The following CNKSR2 variants were observed in gnomAD, a reference collection of about 807,000 sequenced individuals.
The protein encoded by CNKSR2 is connector enhancer of kinase suppressor of Ras 2, also known as CNK homolog protein 2.
CNKSR2 carries 14 observed loss-of-function variants against 84.4 expected under a neutral mutation model. The ratio of observed to expected loss-of-function variants is 0.17; its 90% CI spans 0.11 to 0.26. The LOEUF (loss-of-function observed/expected upper bound fraction) is 0.26. CNKSR2 is among the 10% of genes least tolerant of loss of function. The probability of loss-of-function intolerance (pLI) is 1.00; values close to 1 mark genes in which losing one functional copy is unlikely to be tolerated. For missense variants in CNKSR2, 485 were observed against 771.2 expected (o/e 0.63, Z 4.40); for synonymous variants, 275 against 277.9 (o/e 0.99, Z 0.10).
At chrX:21,536,686 C>A (rs1270874864) in intron 11 of CNKSR2, among the ~76,000 whole-genome samples, 1 of 110,460 alleles carries the variant, frequency 9.1e-6, no homozygotes, top group Non-Finnish European at 1.9e-5. Flanking sequence ...CTCTTATATT[C>A]CTTTGTATTA....
chrX:21,395,043 A>T (rs1342310726), intron 1 of CNKSR2, among the ~76,000 whole-genome samples: 1 of 111,900 alleles, frequency 8.9e-6, no homozygotes, highest in African/African-American at 3.2e-5. Flanking sequence ...TTAAGACTGC[A>T]AATTAGTTCC....
intron 1 of CNKSR2, among the ~76,000 whole-genome samples, chrX:21,400,268 G>A (rs2090172535): frequency 9.2e-6 from 1 of 109,229 alleles, no homozygotes; most frequent in Non-Finnish European, 1.9e-5. Context: ...GAAATAAAGA[G>A]CCCAAGAATG....
At chrX:21,550,827 G>T (rs2092082153) in intron 11 of CNKSR2, among the ~76,000 whole-genome samples, 1 of 110,645 alleles carries the variant, frequency 9.0e-6, no homozygotes, top group Non-Finnish European at 1.9e-5. Flanking sequence ...CTTGAGCTCA[G>T]GAGTTGGAGA....
chrX:21,451,080 CAT>C (rs910537369), intron 4 of CNKSR2, among the ~76,000 whole-genome samples: 2 of 111,439 alleles, frequency 1.8e-5, no homozygotes, highest in Non-Finnish European at 3.8e-5. Context: ...TTTTTATACT[CAT>C]ATGTAAAATC....
At chrX:21,646,259 A>G (rs972742800) in intron 20 of CNKSR2, among the ~76,000 whole-genome samples, 1 of 111,689 alleles carries the variant, frequency 9.0e-6, no homozygotes, top group Non-Finnish European at 1.9e-5. Flanking sequence ...CTGCCCAGAG[A>G]TAAATCCATA....
At chrX:21,616,778 T>G (rs2147295732) in intron 20 of CNKSR2, among the ~76,000 whole-genome samples, 1 of 112,274 alleles carries the variant, frequency 8.9e-6, no homozygotes, top group Non-Finnish European at 1.9e-5. Context: ...CAAAATCCAC[T>G]GCCTGTAGAA....
chrX:21,528,599 C>A, intron 10 of CNKSR2, among the ~76,000 whole-genome samples: 1 of 110,183 alleles, frequency 9.1e-6, no homozygotes, highest in Non-Finnish European at 1.9e-5. Flanking sequence ...ATATTGAAGC[C>A]AATAAAAAGC....
chrX:21,488,634 A>G (rs1031245946), intron 5 of CNKSR2, among the ~76,000 whole-genome samples: 1 of 111,807 alleles, frequency 8.9e-6, no homozygotes, highest in African/African-American at 3.3e-5. Context: ...TCTTTAGTGT[A>G]AAGAATCTGA....
In CNKSR2 at chrX:21,468,925, A is replaced by G. The variant is rs779883443; in HGVS notation, c.520-1841A>G. On this transcript the variant is annotated intron_variant, in intron 4 of 21. Coordinates refer to ENST00000379510, the MANE Select transcript of CNKSR2 (RefSeq NM_014927.5). ...CACACACAGCAGATTCTGCATGACA[A>G]TAATAATCACAACACTACCATCTAA... is the stretch of plus-strand genomic sequence containing the variant. Among the ~76,000 whole-genome samples, 63 of 112,128 alleles carry G rather than the reference A, an allele frequency of 5.6e-4. 1 individual carries two copies. Among genetic ancestry groups the G allele is most frequent in the African/African-American group, 1.9e-3 (58 of 30,911 alleles).
chrX:21,492,794 A>T, intron 6 of CNKSR2: 1 of 112,232 alleles, frequency 8.9e-6, no homozygotes, highest in Middle Eastern at 4.6e-3. Flanking sequence ...CAGAGAATTT[A>T]CATGGCTTAT....
At position 21,426,619 on chromosome X, in the gene CNKSR2, C is replaced by A. The variant is rs749730618; in HGVS notation, c.187C>A (p.Gln63Lys). ...TCTGGGGGTCAGCCGCATTGGCCAT[C>A]AGGAACTGATCTTGGAAGCAGTTGA... ...EDLGVSRIGH[Q>K]ELILEAVDLL... The change falls in exon 2 of 22, where the codon CAG becomes AAG. Residue 63 changes from glutamine (Q) to lysine (K), a missense_variant. Around this residue, in one of 5 missense-constraint regions of CNKSR2, gnomAD observed 109 missense variants for 197.5 expected, o/e 0.55. Transcript: ENST00000379510. 2 of 1,205,231 alleles carry A rather than the reference C, an allele frequency of 1.7e-6. No individual in the cohort carries two copies. Among genetic ancestry groups the A allele is most frequent in the African/African-American group, 1.8e-5 (1 of 56,718 alleles).
At chrX:21,417,885 A>C (rs768856464) in intron 1 of CNKSR2, among the ~76,000 whole-genome samples, 58 of 110,552 alleles carry the variant, frequency 5.2e-4, no homozygotes, top group Admixed American at 3.9e-3. Context: ...TTTATTGGAG[A>C]GTTTAGTCCA....
In CNKSR2 at chrX:21,501,532, C is replaced by T; in HGVS notation, c.754C>T (p.Arg252Trp). The change falls in exon 8 of 22, where the codon CGG becomes TGG. Residue 252 changes from arginine (R) to tryptophan (W), a missense_variant. Around this residue, in one of 5 missense-constraint regions of CNKSR2, gnomAD observed 109 missense variants for 197.5 expected, o/e 0.55. Coordinates refer to ENST00000379510, the MANE Select transcript of CNKSR2 (RefSeq NM_014927.5). ...TGTTENSPAD[R>W]CKKIHAGDEV... is the part of the protein sequence containing the mutation. ...ATATTAAATTCAGTCACCTGCAGAT[C>T]GGTGCAAGAAAATCCATGCTGGCGA... 1 of 1,148,421 alleles carries T rather than the reference C, an allele frequency of 8.7e-7. No homozygotes were observed. Among genetic ancestry groups the T allele is most frequent in the Non-Finnish European group, 1.2e-6 (1 of 850,673 alleles). The allele number at this position is 1,148,421 out of a possible 1,213,427, so 94.6% of individuals were successfully genotyped here. A position where few individuals can be genotyped will look rare whatever the true frequency, so the allele number is the denominator to read the frequency against.
chrX:21,506,583 A>C (rs1256831633), intron 8 of CNKSR2: 1 of 111,687 alleles, frequency 9.0e-6, no homozygotes, highest in African/African-American at 3.2e-5. Flanking sequence ...TGTTTCTGTT[A>C]TCAAACTAAA....
At chrX:21,378,953 T>C (rs1159279326) in intron 1 of CNKSR2, among the ~76,000 whole-genome samples, 1 of 112,274 alleles carries the variant, frequency 8.9e-6, no homozygotes, top group Non-Finnish European at 1.9e-5. Context: ...TACTCTTTCC[T>C]GTTTACTATA....
chrX:21,432,535 AT>A, intron 2 of CNKSR2, 76 bp from the exon 3 acceptor site: 8 of 738,154 alleles, frequency 1.1e-5, no homozygotes, highest in Non-Finnish European at 1.6e-5. Flanking sequence ...CCTGTGCATA[AT>A]AAAGTATTCA....
intron 20 of CNKSR2, among the ~76,000 whole-genome samples, chrX:21,634,608 A>G (rs1472888642): frequency 2.7e-5 from 3 of 111,132 alleles, no homozygotes; most frequent in African/African-American, 9.8e-5. Flanking sequence ...TCAGGCTTCT[A>G]CAATCATAAA....
In CNKSR2 at chrX:21,597,848, TATC is replaced by T. The variant is rs910175994; in HGVS notation, c.1976+2456_1976+2458del. Among the ~76,000 whole-genome samples the T allele has an allele frequency of 5.5e-5, 6 of 109,860 alleles. No homozygotes were observed. The South Asian group carries it at 1.1e-3, about 21-fold the overall frequency. On this transcript the variant is annotated intron_variant, in intron 17 of 21. Transcript: ENST00000379510. ...ATGTGATTATTTCATAATTTTTTAA[TATC>T]ATACCTACTTCTTATGAAAATACAC...
At chrX:21,487,280 C>G (rs1354411035) in intron 5 of CNKSR2, among the ~76,000 whole-genome samples, 1 of 111,637 alleles carries the variant, frequency 9.0e-6, no homozygotes, top group Non-Finnish European at 1.9e-5. Context: ...CCTAAAATGT[C>G]TACAGTCTGG....
Sources: allele counts gnomAD v4.1 joint callset (sites outside exome capture counted in the v4.1 genomes callset), GRCh38; gene constraint gnomAD v4.1.1; regional missense constraint gnomAD v4.1.1; transcripts MANE v1.5; gene names NCBI Gene and HGNC (gene_info 2026-07-23, HGNC 2026-07-21).